Variants in CACNB2 observed in about 807,000 individuals in gnomAD.
CACNB2 encodes voltage-dependent L-type calcium channel subunit beta-2.
In CACNB2, 42 loss-of-function variants were observed where a neutral mutation model predicts 73.3. The observed-to-expected ratio is 0.57, with a 90% CI of 0.45 to 0.74. The LOEUF is 0.74. Ranked by LOEUF, CACNB2 falls within the 30% of genes least tolerant of loss-of-function variation. The pLI is 0.00. For synonymous variants in CACNB2, 348 were observed against 310.3 expected (o/e 1.12, Z -1.28); for missense variants, 940 against 853.0 (o/e 1.10, Z -1.27).
chr10:18,518,476 C>T, intron 8 of CACNB2, 60 bp downstream of exon 8: 1 of 1,099,856 alleles, frequency 9.1e-7, no homozygotes, highest in Non-Finnish European at 1.4e-6. Flanking sequence ...TGTGATGCTG[C>T]CTCCTACTCC....
intron 2 of CACNB2, among the ~76,000 whole-genome samples, chr10:18,286,571 C>G (rs1168976380): frequency 1.5e-5 from 2 of 137,452 alleles, no homozygotes; most frequent in Non-Finnish European, 3.1e-5. Context: ...CTTATGCTTG[C>G]TTTATCATGT....
At chr10:18,537,198 G>C (rs1246552608) in intron 12 of CACNB2, among the ~76,000 whole-genome samples, 3 of 152,016 alleles carry the variant, frequency 2.0e-5, no homozygotes, top group Non-Finnish European at 4.4e-5. Context: ...ATGTTGCCCA[G>C]GCTGGTCTCA....
intron 2 of CACNB2, among the ~76,000 whole-genome samples, chr10:18,382,754 G>A (rs1228119366): frequency 1.3e-5 from 2 of 152,152 alleles, no homozygotes; most frequent in African/African-American, 2.4e-5. Context: ...ATTTCATGAT[G>A]TATATGTACC....
intron 3 of CACNB2, among the ~76,000 whole-genome samples, chr10:18,415,790 TG>T (rs1173155951): frequency 1.3e-5 from 2 of 152,222 alleles, no homozygotes; most frequent in Non-Finnish European, 2.9e-5. Flanking sequence ...CATTCGTAAG[TG>T]TACAATTGTA....
intron 2 of CACNB2, chr10:18,257,349 A>T (rs2037325974): frequency 6.6e-6 from 1 of 152,218 alleles, no homozygotes; most frequent in Admixed American, 6.5e-5. Flanking sequence ...ATGGATCAGG[A>T]GGGGACAACT....
chr10:18,459,687 A>G (rs1398488808), intron 3 of CACNB2, among the ~76,000 whole-genome samples: 2 of 152,332 alleles, frequency 1.3e-5, no homozygotes, highest in Non-Finnish European at 2.9e-5. Flanking sequence ...TTATTTGGGC[A>G]GTTCTTACTC....
At position 18,538,794 on chromosome 10, in the gene CACNB2, G is replaced by T. The variant is rs151280372; in HGVS notation, c.1488+429G>T. Among the ~76,000 whole-genome samples the T allele has an allele frequency of 1.5e-3, 234 of 152,246 alleles. 2 individuals carry two copies. The highest frequency in any genetic ancestry group is 5.5e-3 in the African/African-American group (229 of 41,542). ...ATTAATGAGTTATTATATACAAAGG[G>T]TCTACAGAACAGTGCCTGTCCCATA... On this transcript the variant is annotated intron_variant, in intron 13 of 13. Coordinates refer to ENST00000324631, the MANE Select transcript of CACNB2 (RefSeq NM_201596.3).
At chr10:18,518,257 C>A in intron 7 of CACNB2, 79 bp from the exon 8 acceptor site, 1 of 964,648 alleles carries the variant, frequency 1.0e-6, no homozygotes, top group South Asian at 1.3e-5. Flanking sequence ...TTATGGAGTT[C>A]AGAAAGAGTA....
At chr10:18,362,761 G>C (rs986772184) in intron 2 of CACNB2, among the ~76,000 whole-genome samples, 1 of 152,106 alleles carries the variant, frequency 6.6e-6, no homozygotes, top group South Asian at 2.1e-4. Flanking sequence ...TACCAAAAAT[G>C]TACAAAAATG....
At chr10:18,414,361 G>A (rs1167141651) in intron 3 of CACNB2, among the ~76,000 whole-genome samples, 7 of 151,852 alleles carry the variant, frequency 4.6e-5, no homozygotes, top group African/African-American at 1.7e-4. Context: ...ATTGCTCTCT[G>A]TTTATTTATG....
chr10:18,165,238 C>T (rs759203147), intron 2 of CACNB2, among the ~76,000 whole-genome samples: 2 of 152,130 alleles, frequency 1.3e-5, no homozygotes, highest in East Asian at 3.9e-4. Flanking sequence ...GGAAGGAATG[C>T]GTCATCCGAG....
At chr10:18,398,100 C>T (rs1233447241) in intron 2 of CACNB2, among the ~76,000 whole-genome samples, 1 of 152,164 alleles carries the variant, frequency 6.6e-6, no homozygotes, top group Admixed American at 6.5e-5. Flanking sequence ...TGACTGAAGA[C>T]TACTTGAGGC....
Position 18,367,582 on chromosome 10 carries a change from T to A in CACNB2, c.214-34342T>A, listed in dbSNP as rs554192484. ...CACTGTAAGAAATGTTTCTCTTAAA[T>A]GTTTAAAAAAGTATTTAAATTAAGA... On this transcript the variant is annotated intron_variant, in intron 2 of 13. Coordinates refer to ENST00000324631, the MANE Select transcript of CACNB2 (RefSeq NM_201596.3). Among the ~76,000 whole-genome samples the A allele has an allele frequency of 3.1e-4, 47 of 152,274 alleles. 2 individuals are homozygous for A. The South Asian group carries it at 9.7e-3, about 32-fold the overall frequency.
At chr10:18,438,772 A>G (rs758105809) in intron 3 of CACNB2, among the ~76,000 whole-genome samples, 11 of 152,252 alleles carry the variant, frequency 7.2e-5, no homozygotes, top group Admixed American at 2.0e-4. Flanking sequence ...CTTATGGAGT[A>G]TACGATCACC....
chr10:18,499,507 C>A (rs141447917), intron 4 of CACNB2, among the ~76,000 whole-genome samples: 14 of 150,794 alleles, frequency 9.3e-5, no homozygotes, highest in African/African-American at 3.4e-4. Flanking sequence ...CTCAGCTACT[C>A]GAGAGGCTGA....
intron 2 of CACNB2, among the ~76,000 whole-genome samples, chr10:18,167,866 C>T (rs953881755): frequency 5.3e-5 from 8 of 152,142 alleles, no homozygotes; most frequent in African/African-American, 1.9e-4. Context: ...AGCAATTTTA[C>T]AGCCCCAGTG....
At chr10:18,237,173 A>C (rs2036477995) in intron 2 of CACNB2, among the ~76,000 whole-genome samples, 1 of 152,202 alleles carries the variant, frequency 6.6e-6, no homozygotes, top group Non-Finnish European at 1.5e-5. Flanking sequence ...GAATAGAAAA[A>C]GGTGGTGTTC....
At chr10:18,159,168 G>T (rs1207158369) in intron 2 of CACNB2, among the ~76,000 whole-genome samples, 1 of 152,006 alleles carries the variant, frequency 6.6e-6, no homozygotes, top group African/African-American at 2.4e-5. Context: ...GAGGATGACT[G>T]CCAGCTTTGC....
chr10:18,415,576 C>T (rs2044905735), intron 3 of CACNB2, among the ~76,000 whole-genome samples: 1 of 152,080 alleles, frequency 6.6e-6, no homozygotes, highest in African/African-American at 2.4e-5. Context: ...GAGAAGGGCA[C>T]TTTAAATTAT....
Sources: gnomAD v4.1 joint callset for allele counts (sites outside exome capture counted in the v4.1 genomes callset) on GRCh38, gnomAD v4.1.1 for gene constraint, MANE v1.5 for transcripts, NCBI Gene and HGNC (gene_info 2026-07-23, HGNC 2026-07-21) for gene names.